The following CTNNA3 variants were observed in gnomAD, a reference collection of about 807,000 sequenced individuals.
The protein encoded by CTNNA3 is catenin alpha-3.
A neutral mutation model predicts 95.7 loss-of-function variants in CTNNA3; 76 were observed. The observed-to-expected ratio is 0.79, with a 90% CI of 0.66 to 0.96. CTNNA3 has a LOEUF of 0.96. Among genes scored for constraint, CTNNA3 ranks in the 40% least tolerant of loss-of-function variants. The pLI is 0.00. For synonymous variants in CTNNA3, 431 were observed against 374.4 expected (o/e 1.15, Z -1.74); for missense variants, 1,191 against 1,089.8 (o/e 1.09, Z -1.31).
intron 13 of CTNNA3, among the ~76,000 whole-genome samples, chr10:66,110,805 AT>A (rs1347426885): frequency 6.6e-6 from 1 of 152,170 alleles, no homozygotes; most frequent in Non-Finnish European, 1.5e-5. Flanking sequence ...CATTATATGA[AT>A]TTGTCACTGT....
At chr10:67,664,596 GCT>G (rs1840285022) in intron 1 of CTNNA3, among the ~76,000 whole-genome samples, 2 of 151,488 alleles carry the variant, frequency 1.3e-5, no homozygotes, top group African/African-American at 4.9e-5. Context: ...CTTACTCCTG[GCT>G]CTGTTTTATA....
chr10:66,742,265 C>T lies in CTNNA3; in HGVS notation c.1281+23999G>A, dbSNP rs183132835. Reference sequence around the variant, plus strand: ...TGTGGGATGAAATAAGCCCTGGTCTCCCATAGCGCTCCCAGGCTTATTAGG... The same window carrying T: ...TGTGGGATGAAATAAGCCCTGGTCTTCCATAGCGCTCCCAGGCTTATTAGG... On this transcript the variant is annotated intron_variant, in intron 9 of 17. Coordinates refer to ENST00000433211, the MANE Select transcript of CTNNA3 (RefSeq NM_013266.4). Among the ~76,000 whole-genome samples, 72 of 152,282 alleles carry T rather than the reference C, an allele frequency of 4.7e-4. 1 individual carries two copies. Among genetic ancestry groups the T allele is most frequent in the African/African-American group, 1.6e-3 (67 of 41,556 alleles).
chr10:67,125,626 G>T (rs1859685201), intron 7 of CTNNA3, among the ~76,000 whole-genome samples: 1 of 152,202 alleles, frequency 6.6e-6, no homozygotes, highest in South Asian at 2.1e-4. Context: ...TAGAACTGAA[G>T]AGAATAGAAT....
intron 11 of CTNNA3, among the ~76,000 whole-genome samples, chr10:66,438,466 G>A (rs891388842): frequency 3.9e-5 from 6 of 152,288 alleles, no homozygotes; most frequent in South Asian, 2.1e-4. Flanking sequence ...GCCCCACCCA[G>A]TTTGAACTTC....
chr10:66,872,954 T>G lies in CTNNA3; in HGVS notation c.1048-97430A>C, dbSNP rs1431468756. 2.0e-5 allele frequency among the ~76,000 whole-genome samples: 3 copies of G among 152,192 alleles called. No individual in the cohort carries two copies. In the East Asian group the frequency reaches 5.8e-4, roughly 29 times the overall value. ...AAGTGAGAACATCTGATATTTGGTT[T>G]TCTGTTCCTGTGTTAATTCACTTAA... On this transcript the variant is annotated intron_variant, in intron 7 of 17. Coordinates refer to ENST00000433211, the MANE Select transcript of CTNNA3 (RefSeq NM_013266.4).
At chr10:66,505,273 G>T (rs961368492) in intron 11 of CTNNA3, among the ~76,000 whole-genome samples, 6 of 152,086 alleles carry the variant, frequency 3.9e-5, no homozygotes, top group African/African-American at 1.4e-4. Flanking sequence ...GTAAGTACAG[G>T]CAGTAATTCA....
intron 15 of CTNNA3, among the ~76,000 whole-genome samples, chr10:66,008,534 G>T (rs1367690387): frequency 6.6e-6 from 1 of 152,134 alleles, no homozygotes; most frequent in African/African-American, 2.4e-5. Flanking sequence ...CAAATAGGTT[G>T]CTTTGGGGCT....
chr10:66,563,493 A>G (rs1202679952), intron 10 of CTNNA3, among the ~76,000 whole-genome samples: 3 of 152,108 alleles, frequency 2.0e-5, no homozygotes, highest in African/African-American at 7.2e-5. Flanking sequence ...AAGATTTTTT[A>G]AAGATATAAT....
At chr10:66,591,821 G>T (rs1288096947) in intron 10 of CTNNA3, among the ~76,000 whole-genome samples, 1 of 151,842 alleles carries the variant, frequency 6.6e-6, no homozygotes, top group Non-Finnish European at 1.5e-5. Flanking sequence ...AATAAGCATT[G>T]GCGAGTTAAT....
intron 15 of CTNNA3, among the ~76,000 whole-genome samples, chr10:66,015,938 G>A (rs189528154): frequency 1.3e-3 from 194 of 152,180 alleles, no homozygotes; most frequent in Non-Finnish European, 2.3e-3. Flanking sequence ...AAATATATAT[G>A]TTAAATATTT....
At position 66,424,726 on chromosome 10, in the gene CTNNA3, T is replaced by A. The variant is rs1299830824; in HGVS notation, c.1532-45374A>T. On this transcript the variant is annotated intron_variant, in intron 11 of 17. Transcript: ENST00000433211. Reference sequence around the variant, plus strand: ...AATATGTAGTCAACTTTCATAACACTGTGTGTGTGAAGAGAAGATACAGTC... The same window carrying A: ...AATATGTAGTCAACTTTCATAACACAGTGTGTGTGAAGAGAAGATACAGTC... Among the ~76,000 whole-genome samples the A allele has an allele frequency of 2.0e-5, 3 of 152,254 alleles. No homozygotes were observed. In the East Asian group the frequency reaches 5.8e-4, roughly 29 times the overall value.
At chr10:67,603,398 C>T (rs1394597152) in intron 3 of CTNNA3, among the ~76,000 whole-genome samples, 2 of 152,094 alleles carry the variant, frequency 1.3e-5, no homozygotes, top group African/African-American at 4.8e-5. Flanking sequence ...TAGTGCAACG[C>T]CTGTGGGTTT....
chr10:67,065,046 C>T (rs1855992009), intron 7 of CTNNA3, among the ~76,000 whole-genome samples: 1 of 152,112 alleles, frequency 6.6e-6, no homozygotes, highest in Non-Finnish European at 1.5e-5. Flanking sequence ...ATAGCAAGTC[C>T]CATAAAGCCT....
At chr10:66,002,288 T>G (rs1394841516) in intron 15 of CTNNA3, among the ~76,000 whole-genome samples, 1 of 152,182 alleles carries the variant, frequency 6.6e-6, no homozygotes, top group Admixed American at 6.5e-5. Flanking sequence ...TACTTTCTCT[T>G]GTAAAGTGTC....
In CTNNA3 at chr10:66,161,428, A is replaced by C. The variant is rs2084838300; in HGVS notation, c.1885-58179T>G. On this transcript the variant is annotated intron_variant, in intron 13 of 17. Coordinates refer to ENST00000433211, the MANE Select transcript of CTNNA3 (RefSeq NM_013266.4). ...ATTCTCTCAGCATTTGTTTTTCTGA[A>C]AATGACTGTATCTTTCCTTCATGTA... 2.0e-5 allele frequency among the ~76,000 whole-genome samples: 3 copies of C among 152,282 alleles called. No individual in the cohort carries two copies. The East Asian group carries it at 5.8e-4, about 29-fold the overall frequency.
intron 7 of CTNNA3, among the ~76,000 whole-genome samples, chr10:66,777,743 G>A (rs1168848116): frequency 2.0e-5 from 3 of 149,758 alleles, no homozygotes; most frequent in Non-Finnish European, 4.4e-5. Flanking sequence ...GCAGAAGTGG[G>A]ACAGACAAAG....
At position 67,089,788 on chromosome 10, in the gene CTNNA3, C is replaced by A. The variant is rs190955781; in HGVS notation, c.1047+90529G>T. Among the ~76,000 whole-genome samples, 274 of 150,976 alleles carry A rather than the reference C, an allele frequency of 1.8e-3. 3 individuals are homozygous for A. Among genetic ancestry groups the A allele is most frequent in the African/African-American group, 5.8e-3 (238 of 41,124 alleles). On this transcript the variant is annotated intron_variant, in intron 7 of 17. Transcript: ENST00000433211. ...ACATATACTGTATTTGTCTCCTAGG[C>A]CCCCCATCCATTGCCTTCCTTTACT... is the stretch of plus-strand genomic sequence containing the variant.
chr10:67,366,708 T>C lies in CTNNA3; in HGVS notation c.580-146838A>G, dbSNP rs139862704. On this transcript the variant is annotated intron_variant, in intron 5 of 17. Coordinates refer to ENST00000433211, the MANE Select transcript of CTNNA3 (RefSeq NM_013266.4). ...GAGAACAGAAATAAGGCCACACACC[T>C]ACAACCATCTGCTCTTTGACAAAGT... 1.4e-3 allele frequency among the ~76,000 whole-genome samples: 211 copies of C among 151,928 alleles called. 1 individual carries two copies. Among genetic ancestry groups the C allele is most frequent in the Admixed American group, 2.9e-3 (45 of 15,260 alleles).
intron 10 of CTNNA3, among the ~76,000 whole-genome samples, chr10:66,552,725 T>G (rs1842257438): frequency 6.6e-6 from 1 of 152,136 alleles, no homozygotes; most frequent in South Asian, 2.1e-4. Flanking sequence ...ACTCTTTAGG[T>G]GCACTAAAAT....
Sources: allele counts gnomAD v4.1 joint callset (sites outside exome capture counted in the v4.1 genomes callset), GRCh38; gene constraint gnomAD v4.1.1; transcripts MANE v1.5; gene names NCBI Gene and HGNC (gene_info 2026-07-23, HGNC 2026-07-21).